Variants in AMBRA1 observed in about 807,000 individuals in gnomAD.
AMBRA1 encodes the protein activating molecule in BECN1-regulated autophagy protein 1.
In AMBRA1, 47 loss-of-function variants were observed where a neutral mutation model predicts 125.4. The observed-to-expected ratio is 0.37, with a 90% CI of 0.30 to 0.48. The LOEUF is 0.48. AMBRA1 is among the 20% of genes least tolerant of loss of function. AMBRA1 has a pLI of 0.99. For missense variants in AMBRA1, 1,331 were observed against 1,693.4 expected (o/e 0.79, Z 3.76); for synonymous variants, 626 against 655.5 (o/e 0.95, Z 0.69).
At chr11:46,584,583 C>T (rs2044301609) in intron 1 of AMBRA1, among the ~76,000 whole-genome samples, 1 of 151,828 alleles carries the variant, frequency 6.6e-6, no homozygotes, top group African/African-American at 2.4e-5. Context: ...AATACACACT[C>T]TGCTATAATC....
At chr11:46,530,203 T>C (rs568709827) in intron 7 of AMBRA1, among the ~76,000 whole-genome samples, 36 of 152,284 alleles carry the variant, frequency 2.4e-4, no homozygotes, top group African/African-American at 8.4e-4. Context: ...GACGTCACTG[T>C]AGTCCCCAAG....
chr11:46,564,649 G>C (rs935690995), intron 1 of AMBRA1, among the ~76,000 whole-genome samples: 1 of 152,136 alleles, frequency 6.6e-6, no homozygotes, highest in African/African-American at 2.4e-5. Flanking sequence ...GAGATGAGGA[G>C]AGGGAGAAAG....
In AMBRA1 at chr11:46,508,331, C is replaced by T. The variant is rs1196912991; in HGVS notation, c.2199G>A (p.Gln733=). The T allele has an allele frequency of 3.1e-6, 5 of 1,614,212 alleles. No homozygotes were observed. Among genetic ancestry groups the T allele is most frequent in the African/African-American group, 1.3e-5 (1 of 75,056 alleles). The change falls in exon 9 of 18, where the codon CAG becomes CAA. Residue 733 remains glutamine (Q), a synonymous_variant. Transcript: ENST00000683756. ...GAATACTGTCTCTCCGTGAGAGATA[C>T]TGGATCATCCTCTGGGCGTAGTATG... is the stretch of plus-strand genomic sequence containing the variant. ...PAAYYAQRMI[Q]YLSRRDSIRQ...
chr11:46,542,964 G>A lies in AMBRA1; in HGVS notation c.1053C>T (p.Pro351=). ...FSFVQTEPFH[P]PEQASSTQQD... The stretch of plus-strand genomic sequence containing the variant: ...GCTGCGTTGACGAGGCCTGCTCCGG[G>A]GGATGGAAGGGCTCGGTCTGTACAA... The change falls in exon 7 of 18, where the codon CCC becomes CCT. Residue 351 remains proline, a synonymous_variant. Transcript: ENST00000683756. This position sits in a 1 kb window ranked among gnomAD's most constrained non-coding sequence, Gnocchi z 5.9. 1.2e-6 allele frequency: 2 copies of A among 1,605,582 alleles called. No individual in the cohort carries two copies. Among genetic ancestry groups the A allele is most frequent in the Non-Finnish European group, 8.5e-7 (1 of 1,179,990 alleles).
rs1342715516 is a variant in AMBRA1 at position 46,545,744 on chromosome 11, G to A, written c.411C>T (p.Asn137=). The A allele has an allele frequency of 5.6e-6, 9 of 1,614,184 alleles. No individual in the cohort carries two copies. Among genetic ancestry groups the A allele is most frequent in the Non-Finnish European group, 6.8e-6 (8 of 1,180,024 alleles). The change falls in exon 5 of 18, where the codon AAC becomes AAT. Residue 137 remains asparagine, a synonymous_variant. Coordinates refer to ENST00000683756, the MANE Select transcript of AMBRA1 (RefSeq NM_001387011.1). ...GGAAAGCCAGGGAGGCAATGGCATT[G>A]TTGCTATCTGTGAACCAGCTTTCAC... The part of the protein sequence containing the change: ...GGSESWFTDS[N]NAIASLAFHP...
At chr11:46,425,567 C>T (rs1363766287) in intron 14 of AMBRA1, among the ~76,000 whole-genome samples, 3 of 152,098 alleles carry the variant, frequency 2.0e-5, no homozygotes, top group South Asian at 2.1e-4. Context: ...TGAGGCTGGG[C>T]GCGGTAGCTC....
In AMBRA1 at chr11:46,583,652, C is replaced by CAAAAA. The variant is rs1398623719; in HGVS notation, c.-121+10171_-121+10175dup. 1.9e-3 allele frequency among the ~76,000 whole-genome samples: 24 copies of CAAAAA among 12,550 alleles called. 2 individuals carry two copies. The highest frequency in any genetic ancestry group is 8.9e-3 in the East Asian group (3 of 336). 8.2% of individuals were successfully genotyped at this position (12,550 alleles called of 152,430 possible). A position where few individuals can be genotyped will look rare whatever the true frequency, so the allele number is the denominator to read the frequency against. On this transcript the variant is annotated intron_variant, in intron 1 of 17. Transcript: ENST00000683756. Reference sequence around the variant, plus strand: ...TCTACAATGAACTCAAACAAATTTCCAAAAAAAAAAAAAAAAAAAAAAAAA... The same window carrying CAAAAA: ...TCTACAATGAACTCAAACAAATTTCCAAAAAAAAAAAAAAAAAAAAAAAAAAAAAA...
At chr11:46,460,563 T>C (rs1484909783) in intron 11 of AMBRA1, among the ~76,000 whole-genome samples, 1 of 152,146 alleles carries the variant, frequency 6.6e-6, no homozygotes, top group Non-Finnish European at 1.5e-5. Context: ...GACCTCGTGA[T>C]CCGCCCACCT....
intron 1 of AMBRA1, among the ~76,000 whole-genome samples, chr11:46,577,768 T>C (rs1262795150): frequency 6.6e-6 from 1 of 151,972 alleles, no homozygotes; most frequent in Non-Finnish European, 1.5e-5. Context: ...CTGACCAATA[T>C]GGAGAAACCC....
intron 15 of AMBRA1, among the ~76,000 whole-genome samples, chr11:46,411,922 G>A (rs182569158): frequency 1.3e-5 from 2 of 152,116 alleles, no homozygotes; most frequent in African/African-American, 2.4e-5. Context: ...CACCATGCCC[G>A]GCCCAAATCT....
intron 11 of AMBRA1, among the ~76,000 whole-genome samples, chr11:46,464,466 C>T (rs551394287): frequency 6.6e-6 from 1 of 152,312 alleles, no homozygotes; most frequent in East Asian, 1.9e-4. Context: ...AGGCACAGAG[C>T]TCCCAGGACC....
chr11:46,464,807 G>T lies in AMBRA1; in HGVS notation c.2522-21209C>A, dbSNP rs533008784. Among the ~76,000 whole-genome samples, 171 of 151,540 alleles carry T rather than the reference G, an allele frequency of 1.1e-3. 2 individuals are homozygous for T. The highest frequency in any genetic ancestry group is 5.2e-3 in the South Asian group (25 of 4,788). On this transcript the variant is annotated intron_variant, in intron 11 of 17. Transcript: ENST00000683756. ...CACACCTGTAATCCAAGCACTTTGCGAGGCCAAGGCAGTCGGATCACGAGG... is the reference window on the plus strand; with the variant it reads ...CACACCTGTAATCCAAGCACTTTGCTAGGCCAAGGCAGTCGGATCACGAGG...
chr11:46,421,074 T>C (rs1946828468), intron 14 of AMBRA1, among the ~76,000 whole-genome samples: 1 of 152,234 alleles, frequency 6.6e-6, no homozygotes. Flanking sequence ...GCAAATATTA[T>C]CTATTTGCTT....
intron 14 of AMBRA1, among the ~76,000 whole-genome samples, chr11:46,430,583 T>C (rs1044652590): frequency 4.6e-5 from 7 of 152,244 alleles, no homozygotes; most frequent in Non-Finnish European, 8.8e-5. Flanking sequence ...TCAAGGCTAA[T>C]AGCAATTAGC....
At chr11:46,523,165 C>CA (rs1306791749) in intron 7 of AMBRA1, among the ~76,000 whole-genome samples, 2 of 152,176 alleles carry the variant, frequency 1.3e-5, no homozygotes, top group Admixed American at 1.3e-4. Flanking sequence ...ACACAAAGCT[C>CA]AGAGTACAAT....
At chr11:46,485,600 AAT>A (rs1341454235) in intron 11 of AMBRA1, among the ~76,000 whole-genome samples, 1 of 152,244 alleles carries the variant, frequency 6.6e-6, no homozygotes, top group African/African-American at 2.4e-5. Flanking sequence ...ATTATTTTGT[AAT>A]ACCCAAAGTG....
At chr11:46,492,518 T>C (rs760265843) in intron 11 of AMBRA1, among the ~76,000 whole-genome samples, 1 of 152,272 alleles carries the variant, frequency 6.6e-6, no homozygotes, top group Non-Finnish European at 1.5e-5. Flanking sequence ...AAATGTGGCT[T>C]GATTTTTATA....
intron 1 of AMBRA1, among the ~76,000 whole-genome samples, chr11:46,580,525 C>G (rs1591181425): frequency 6.6e-6 from 1 of 152,196 alleles, no homozygotes; most frequent in Non-Finnish European, 1.5e-5. Context: ...GAAACACCAC[C>G]TTCATCTACC....
At chr11:46,444,209 A>C (rs1162358739) in intron 11 of AMBRA1, among the ~76,000 whole-genome samples, 2 of 152,230 alleles carry the variant, frequency 1.3e-5, no homozygotes, top group Non-Finnish European at 2.9e-5. Context: ...CACAATAAAA[A>C]TTTATGAGCC....
Sources: allele counts gnomAD v4.1 joint callset (sites outside exome capture counted in the v4.1 genomes callset), GRCh38; gene constraint gnomAD v4.1.1; non-coding constraint Gnocchi (gnomAD v3.1); transcripts MANE v1.5; gene names NCBI Gene and HGNC (gene_info 2026-07-23, HGNC 2026-07-21).